The following TRIM24 variants were observed in gnomAD, a reference collection of about 807,000 sequenced individuals.
TRIM24 encodes the protein tripartite motif containing 24.
A neutral mutation model predicts 123.9 loss-of-function variants in TRIM24; 29 were observed. That is an observed-to-expected ratio of 0.23 (90% CI 0.17 to 0.32). TRIM24 has a LOEUF of 0.32. Among genes scored for constraint, TRIM24 ranks in the 10% least tolerant of loss-of-function variants. The pLI is 1.00. For synonymous variants in TRIM24, 456 were observed against 461.1 expected (o/e 0.99, Z 0.14); for missense variants, 932 against 1,295.3 (o/e 0.72, Z 4.31).
chr7:138,489,045 A>G (rs962902515), intron 1 of TRIM24, among the ~76,000 whole-genome samples: 9 of 152,172 alleles, frequency 5.9e-5, no homozygotes, highest in African/African-American at 2.2e-4. Flanking sequence ...TATTGGGTGC[A>G]TATATATTCA....
chr7:138,579,403 G>A lies in TRIM24; in HGVS notation c.2456G>A (p.Arg819Lys). 1 of 1,614,094 alleles carries A rather than the reference G, an allele frequency of 6.2e-7. No individual in the cohort carries two copies. The highest frequency in any genetic ancestry group is 2.2e-5 in the East Asian group (1 of 44,862). Residue 819 changes from arginine to lysine, a missense_variant, in exon 15 of 19, where the codon AGG becomes AAG. Coordinates refer to ENST00000343526, the MANE Select transcript of TRIM24 (RefSeq NM_015905.3). The part of the protein sequence containing the change: ...QKSPLHVGET[R>K]KEDDPNEDWC... ...TCACCTCTTCATGTTGGAGAGACAA[G>A]GAAAGAGGATGACCCCAATGAGGAC...
chr7:138,513,444 T>C (rs1584711345), intron 2 of TRIM24, among the ~76,000 whole-genome samples: 2 of 152,338 alleles, frequency 1.3e-5, no homozygotes, highest in South Asian at 4.1e-4. Flanking sequence ...AGAGGTTTAA[T>C]TGGCCCATGG....
chr7:138,555,482 A>ATT (rs1203577540), intron 9 of TRIM24, among the ~76,000 whole-genome samples: 77 of 138,510 alleles, frequency 5.6e-4, no homozygotes, highest in Admixed American at 9.4e-4. Flanking sequence ...CTATAATCCA[A>ATT]TTTTTTTTTT....
At chr7:138,500,998 G>T (rs1473327895) in intron 1 of TRIM24, among the ~76,000 whole-genome samples, 1 of 151,998 alleles carries the variant, frequency 6.6e-6, no homozygotes, top group Non-Finnish European at 1.5e-5. Flanking sequence ...GTATAGAGCA[G>T]TTATCATGGT....
At chr7:138,484,401 G>A (rs529699996) in intron 1 of TRIM24, among the ~76,000 whole-genome samples, 4 of 147,120 alleles carry the variant, frequency 2.7e-5, no homozygotes, top group Middle Eastern at 7.0e-3. Context: ...GAGCCACCAC[G>A]CCTGGCCTTA....
chr7:138,536,881 C>A (rs1351052936), intron 6 of TRIM24, among the ~76,000 whole-genome samples: 1 of 152,218 alleles, frequency 6.6e-6, no homozygotes, highest in African/African-American at 2.4e-5. Flanking sequence ...AGCTTCCTGG[C>A]CGCTTTGTTT....
Position 138,577,486 on chromosome 7 carries a change from G to A in TRIM24, c.2154G>A (p.Glu718=), listed in dbSNP as rs146058884. ...STHKVPVVML[E]PIRIKQENSG... ...ACAAAGTCCCAGTGGTCATGCTGGA[G>A]CCAATTCGAATAAAACAAGAAAACA... is the stretch of plus-strand genomic sequence containing the variant. Residue 718 remains glutamate, a synonymous_variant, in exon 14 of 19, where the codon GAG becomes GAA. Transcript: ENST00000343526. 24 of 1,610,374 alleles carry A rather than the reference G, an allele frequency of 1.5e-5. No homozygotes were observed. The highest frequency in any genetic ancestry group is 2.5e-6 in the Non-Finnish European group (3 of 1,178,564).
rs1798051240 is a variant in TRIM24, at chr7:138,588,254, C to T, written c.*3303C>T. On this transcript the variant is annotated 3_prime_UTR_variant, in exon 19 of 19. Transcript: ENST00000343526. ...AGGAGAGAGAGTGAGAAGAGGAACT[C>T]CTTTTGCTGAGCTCTGGTCCAAATT... The T allele has an allele frequency of 6.6e-6, 1 of 152,204 alleles. No homozygotes were observed. The highest frequency in any genetic ancestry group is 2.1e-4 in the South Asian group (1 of 4,834). The allele number at this position is 152,204 out of a possible 1,614,324, so 9.4% of individuals were successfully genotyped here.
intron 16 of TRIM24, among the ~76,000 whole-genome samples, 174 bp from the exon 17 acceptor site, chr7:138,581,523 T>C (rs1797895006): frequency 6.6e-6 from 1 of 152,124 alleles, no homozygotes; most frequent in African/African-American, 2.4e-5. Context: ...ACAGGGCCTG[T>C]TCCCAAATAT....
chr7:138,528,369 G>A (rs1796656367), intron 5 of TRIM24, among the ~76,000 whole-genome samples: 1 of 152,124 alleles, frequency 6.6e-6, no homozygotes, highest in Admixed American at 6.5e-5. Flanking sequence ...AGAGTCTTCA[G>A]AGCACATTCC....
At chr7:138,525,023 G>T (rs1796579474) in intron 4 of TRIM24, among the ~76,000 whole-genome samples, 1 of 152,106 alleles carries the variant, frequency 6.6e-6, no homozygotes, top group South Asian at 2.1e-4. Flanking sequence ...GATGCATGTG[G>T]TTCTCAAACT....
chr7:138,463,717 A>G (rs1226681436), intron 1 of TRIM24, among the ~76,000 whole-genome samples: 1 of 152,184 alleles, frequency 6.6e-6, no homozygotes, highest in Non-Finnish European at 1.5e-5. Context: ...ATACTTCTCA[A>G]AATGTTCTGT....
intron 18 of TRIM24, 140 bp downstream of exon 18, chr7:138,584,139 G>A: frequency 2.3e-6 from 2 of 857,804 alleles, no homozygotes; most frequent in East Asian, 2.7e-5. Context: ...GAATGCAAGA[G>A]ATAATTCAGA....
At chr7:138,460,956 A>T in intron 1 of TRIM24, 44 bp downstream of exon 1, 1 of 1,366,436 alleles carries the variant, frequency 7.3e-7, no homozygotes, top group Non-Finnish European at 9.4e-7. Flanking sequence ...GGAGAGGGCC[A>T]GGAGGGGGCG....
chr7:138,461,075 C>G (rs1020058896), intron 1 of TRIM24, 163 bp downstream of exon 1: 2 of 816,688 alleles, frequency 2.4e-6, no homozygotes, highest in Admixed American at 2.0e-5. Flanking sequence ...ATGGAGGGCC[C>G]GCGCTCTGCG....
At chr7:138,531,616 A>G (rs1174539782) in intron 6 of TRIM24, among the ~76,000 whole-genome samples, 1 of 152,094 alleles carries the variant, frequency 6.6e-6, no homozygotes, top group African/African-American at 2.4e-5. Context: ...CCAGTCTATC[A>G]TTGTTGGACA....
intron 14 of TRIM24, 64 bp from the exon 15 acceptor site, chr7:138,579,140 C>G: frequency 7.3e-7 from 1 of 1,378,286 alleles, no homozygotes; most frequent in Non-Finnish European, 9.9e-7. Flanking sequence ...GTCTACAGTT[C>G]AGAATTGCAT....
At chr7:138,522,228 C>T (rs889385045) in intron 4 of TRIM24, among the ~76,000 whole-genome samples, 2 of 151,884 alleles carry the variant, frequency 1.3e-5, no homozygotes, top group East Asian at 1.9e-4. Context: ...CCCAGCTACT[C>T]GGGAGGCTTA....
intron 2 of TRIM24, among the ~76,000 whole-genome samples, chr7:138,507,680 T>A (rs1796180275): frequency 1.3e-5 from 2 of 152,154 alleles, no homozygotes; most frequent in African/African-American, 2.4e-5. Flanking sequence ...TAAACATAAC[T>A]ACCATATGAA....
Sources: allele counts gnomAD v4.1 joint callset (sites outside exome capture counted in the v4.1 genomes callset), GRCh38; gene constraint gnomAD v4.1.1; transcripts MANE v1.5; gene names NCBI Gene and HGNC (gene_info 2026-07-23, HGNC 2026-07-21).